Variants in UMAD1 observed in about 807,000 individuals in gnomAD.
UMAD1 encodes UBAP1-MVB12-associated (UMA) domain containing 1, also known as UBAP1-MVB12-associated (UMA)-domain containing protein 1.
UMAD1 carries 8 observed loss-of-function variants against 6.1 expected under a neutral mutation model. That is an observed-to-expected ratio of 1.30 (90% CI 0.76 to 2.35). The LOEUF (loss-of-function observed/expected upper bound fraction) is 2.35. UMAD1 is among the 30% of genes most tolerant of loss of function. The pLI, the probability that UMAD1 is intolerant of heterozygous loss-of-function variation, is 0.00. For synonymous variants in UMAD1, 56 were observed against 31.4 expected, an observed-to-expected ratio of 1.78 and a Z score of -2.61; for missense variants, 130 against 78.4, an observed-to-expected ratio of 1.66 and a Z score of -2.49.
intron 2 of UMAD1, among the ~76,000 whole-genome samples, chr7:7,778,980 T>C (rs1029334156): frequency 8.5e-5 from 13 of 152,192 alleles, no homozygotes; most frequent in African/African-American, 2.9e-4. Context: ...CTCTTATCAG[T>C]CTATTATTAT....
intron 2 of UMAD1, among the ~76,000 whole-genome samples, chr7:7,696,076 G>A (rs1002488867): frequency 2.0e-5 from 3 of 147,182 alleles, no homozygotes; most frequent in African/African-American, 7.6e-5. Flanking sequence ...TGTGATCACA[G>A]CTCACTGCAG....
intron 3 of UMAD1, among the ~76,000 whole-genome samples, chr7:7,856,736 A>G (rs765219086): frequency 5.9e-5 from 9 of 152,172 alleles, no homozygotes; most frequent in Non-Finnish European, 7.4e-5. Flanking sequence ...GAGCTTCCCT[A>G]AACTCAAGTA....
At chr7:7,668,084 T>A (rs11763161) in intron 1 of UMAD1, among the ~76,000 whole-genome samples, 9 of 147,714 alleles carry the variant, frequency 6.1e-5, no homozygotes. Context: ...AGCTGGCTAA[T>A]TTTTTTTTTT....
Position 7,878,876 on chromosome 7 carries a change from C to T in UMAD1, c.*1338C>T, listed in dbSNP as rs1335520489. 1 of 152,012 alleles carries T rather than the reference C, an allele frequency of 6.6e-6. No homozygotes were observed. Among genetic ancestry groups the T allele is most frequent in the African/African-American group, 2.4e-5 (1 of 41,380 alleles). 9.4% of individuals were successfully genotyped at this position (152,012 alleles called of 1,614,324 possible). A position where few individuals can be genotyped will look rare whatever the true frequency, so the allele number is the denominator to read the frequency against. The stretch of plus-strand genomic sequence containing the variant: ...ATGCTTCATTTACATATAATGTTAC[C>T]ATATGGTGTTAATGATTAAATTAGA... On this transcript the variant is annotated 3_prime_UTR_variant, in exon 4 of 4. Coordinates refer to ENST00000682710, the MANE Select transcript of UMAD1 (RefSeq NM_001302348.2).
rs115728205 is a variant in UMAD1, at chr7:7,701,525, A to G, written c.82+28072A>G. On this transcript the variant is annotated intron_variant, in intron 2 of 3. Transcript: ENST00000682710. The stretch of plus-strand genomic sequence containing the variant: ...GCTTGTAAATCTGTGCTGCTTTGTG[A>G]AGATGAGAGATGTATGAAGTAGTAT... 4.5e-3 allele frequency among the ~76,000 whole-genome samples: 679 copies of G among 152,292 alleles called. 7 individuals carry two copies. Among genetic ancestry groups the G allele is most frequent in the African/African-American group, 0.016 (653 of 41,554 alleles).
At chr7:7,709,396 C>G (rs940928124) in intron 2 of UMAD1, among the ~76,000 whole-genome samples, 1 of 152,172 alleles carries the variant, frequency 6.6e-6, no homozygotes, top group Non-Finnish European at 1.5e-5. Context: ...AAGATAAGTC[C>G]TGTGGATAAG....
chr7:7,820,289 C>T (rs1427861515), intron 3 of UMAD1, among the ~76,000 whole-genome samples: 10 of 151,968 alleles, frequency 6.6e-5, no homozygotes, highest in Non-Finnish European at 1.3e-4. Flanking sequence ...ACTTAATTAC[C>T]TAATCTCATT....
At chr7:7,853,966 G>T (rs1468753074) in intron 3 of UMAD1, among the ~76,000 whole-genome samples, 1 of 152,130 alleles carries the variant, frequency 6.6e-6, no homozygotes, top group Non-Finnish European at 1.5e-5. Flanking sequence ...CACTTTATCA[G>T]GTTGCTGAAG....
intron 2 of UMAD1, among the ~76,000 whole-genome samples, chr7:7,695,110 A>T (rs1414267920): frequency 3.3e-5 from 5 of 152,156 alleles, no homozygotes; most frequent in Admixed American, 3.3e-4. Flanking sequence ...TCTTGTTGTA[A>T]TTATGATTTG....
intron 3 of UMAD1, among the ~76,000 whole-genome samples, chr7:7,836,254 C>T (rs192675833): frequency 6.6e-6 from 1 of 152,030 alleles, no homozygotes; most frequent in Non-Finnish European, 1.5e-5. Flanking sequence ...TAAATGTCTT[C>T]AGTATATTCT....
rs1563281527 is a variant in UMAD1, at chr7:7,877,757, A to G, written c.*219A>G. 1.9e-6 allele frequency: 1 copy of G among 515,906 alleles called. No homozygotes were observed. The highest frequency in any genetic ancestry group is 2.7e-5 in the South Asian group (1 of 36,998). The allele number at this position is 515,906 out of a possible 1,614,324, so 32.0% of individuals were successfully genotyped here. A position where few individuals can be genotyped will look rare whatever the true frequency, so the allele number is the denominator to read the frequency against. ...TTCCTTTCTCCCATATAATAAATAT[A>G]CAAATTAGGCTATGAAGGTTTTAGG... On this transcript the variant is annotated 3_prime_UTR_variant, in exon 4 of 4. Transcript: ENST00000682710.
intron 2 of UMAD1, among the ~76,000 whole-genome samples, chr7:7,794,817 C>G (rs1413043572): frequency 6.6e-6 from 1 of 152,122 alleles, no homozygotes; most frequent in Non-Finnish European, 1.5e-5. Context: ...CTAGATCTTT[C>G]CCAGATCTAG....
intron 1 of UMAD1, among the ~76,000 whole-genome samples, chr7:7,642,487 G>T (rs889303553): frequency 6.6e-6 from 1 of 150,796 alleles, no homozygotes; most frequent in African/African-American, 2.4e-5. Flanking sequence ...TTTTTTTAAA[G>T]AGCACTCCTG....
At chr7:7,792,108 A>G (rs6966185) in intron 2 of UMAD1, among the ~76,000 whole-genome samples, 80,390 of 152,054 alleles carry the variant, frequency 0.53, 21,772 homozygotes, top group East Asian at 0.65. Flanking sequence ...GCATGTGCCA[A>G]TTCTTTCCTT....
intron 2 of UMAD1, among the ~76,000 whole-genome samples, chr7:7,748,340 C>T (rs575135912): frequency 6.6e-6 from 1 of 151,658 alleles, no homozygotes; most frequent in African/African-American, 2.4e-5. Flanking sequence ...TTCCTTAAAC[C>T]AAATTATATT....
At chr7:7,807,925 A>G (rs1359987772) in intron 3 of UMAD1, among the ~76,000 whole-genome samples, 2 of 152,044 alleles carry the variant, frequency 1.3e-5, no homozygotes, top group African/African-American at 4.8e-5. Flanking sequence ...TCATCCTAAG[A>G]TATTATCACC....
intron 1 of UMAD1, among the ~76,000 whole-genome samples, chr7:7,671,256 T>A (rs532848754): frequency 6.6e-6 from 1 of 152,336 alleles, no homozygotes; most frequent in South Asian, 2.1e-4. Flanking sequence ...ATTCTTAGAT[T>A]TCCTGTATTT....
chr7:7,757,986 G>C (rs117550185), intron 2 of UMAD1, among the ~76,000 whole-genome samples: 1,803 of 152,248 alleles, frequency 0.012, 13 homozygotes, highest in Middle Eastern at 0.054. Flanking sequence ...AAATGCAAAA[G>C]TAGAGGGAGG....
At chr7:7,698,575 C>T (rs184482267) in intron 2 of UMAD1, among the ~76,000 whole-genome samples, 198 of 151,850 alleles carry the variant, frequency 1.3e-3, no homozygotes, top group African/African-American at 4.4e-3. Flanking sequence ...TGTAGTATTT[C>T]GTAGAACTGG....
Sources: gnomAD v4.1 joint callset for allele counts (sites outside exome capture counted in the v4.1 genomes callset) on GRCh38, gnomAD v4.1.1 for gene constraint, MANE v1.5 for transcripts, NCBI Gene and HGNC (gene_info 2026-07-23, HGNC 2026-07-21) for gene names.